Variants in ZNF469 observed in about 807,000 individuals in gnomAD.
ZNF469 encodes zinc finger protein 469.
ZNF469 carries 1 observed loss-of-function variant against 1.0 expected under a neutral mutation model. The observed-to-expected ratio is 1.00, with a 90% confidence interval of 0.35 to 4.73. The LOEUF (loss-of-function observed/expected upper bound fraction) is 4.73, where lower values mean the gene tolerates loss of function less well. ZNF469 is among the 30% of genes most tolerant of loss of function. The pLI is 0.16. For synonymous variants in ZNF469, 2,703 were observed against 2,363.4 expected (o/e 1.14, Z -4.17); for missense variants, 6,100 against 5,356.3 (o/e 1.14, Z -4.33).
chr16:88,138,111 A>C, the ZNF469 span, among the ~76,000 whole-genome samples: 4 of 152,298 alleles, frequency 2.6e-5, no homozygotes, highest in Admixed American at 2.6e-4. Context: ...CACACAAACT[A>C]TCAAGGTGTG....
the ZNF469 span, among the ~76,000 whole-genome samples, chr16:88,123,574 G>T: frequency 1.3e-5 from 2 of 152,180 alleles, no homozygotes; most frequent in Non-Finnish European, 2.9e-5. Flanking sequence ...TTGGGTGAGG[G>T]CCTAGGAGGA....
chr16:88,305,667 TACAC>T, the ZNF469 span, among the ~76,000 whole-genome samples: 10 of 151,154 alleles, frequency 6.6e-5, no homozygotes, highest in African/African-American at 1.2e-4. Flanking sequence ...CACCTTCACA[TACAC>T]ACACATGCTC....
At chr16:88,159,353 C>T in the ZNF469 span, among the ~76,000 whole-genome samples, 314 of 152,258 alleles carry the variant, frequency 2.1e-3, 2 homozygotes, top group African/African-American at 7.1e-3. Context: ...GTGTCCCGTG[C>T]AGTGTGCAGC....
chr16:88,144,796 C>A, the ZNF469 span, among the ~76,000 whole-genome samples: 1 of 152,154 alleles, frequency 6.6e-6, no homozygotes, highest in African/African-American at 2.4e-5. Flanking sequence ...TAGACGTGTC[C>A]ATATTCTAGA....
chr16:88,426,141 AGCCCCCGCCTCCACAGAGGCAGCAGG>A (rs1905689703), intron 2 of ZNF469, among the ~76,000 whole-genome samples: 1 of 152,236 alleles, frequency 6.6e-6, no homozygotes, highest in Non-Finnish European at 1.5e-5. Flanking sequence ...CTCAGGAGGC[AGCCCCCGCCTCCACAGAGGCAGCAGG>A]GTCTCTGAGA....
At chr16:88,299,971 G>A in the ZNF469 span, among the ~76,000 whole-genome samples, 17 of 152,300 alleles carry the variant, frequency 1.1e-4, no homozygotes, top group African/African-American at 4.1e-4. Context: ...CCTCTGCCAG[G>A]TCTCTCCCCG....
intron 1 of ZNF469, among the ~76,000 whole-genome samples, chr16:88,389,741 C>T (rs1240712505): frequency 6.6e-6 from 1 of 152,170 alleles, no homozygotes; most frequent in African/African-American, 2.4e-5. Context: ...TCAGGATTCC[C>T]TGAGTAGGGA....
At chr16:88,259,362 T>C in the ZNF469 span, among the ~76,000 whole-genome samples, 2 of 151,550 alleles carry the variant, frequency 1.3e-5, no homozygotes, top group South Asian at 2.1e-4. The surrounding 1 kb of genome is among the most constrained non-coding windows in gnomAD (Gnocchi z 4.1). Flanking sequence ...GCCCGCCAGA[T>C]TCTGCGGAGT....
chr16:88,101,689 G>C, the ZNF469 span, among the ~76,000 whole-genome samples: 2 of 152,128 alleles, frequency 1.3e-5, no homozygotes, highest in South Asian at 4.1e-4. Context: ...GTGCCTTTAC[G>C]ATATTTATAA....
chr16:88,363,520 G>A, the ZNF469 span, among the ~76,000 whole-genome samples: 68 of 152,324 alleles, frequency 4.5e-4, no homozygotes, highest in African/African-American at 1.6e-3. Flanking sequence ...TGGCTTGGGG[G>A]AGTCAGCCAG....
chr16:88,103,896 A>G, the ZNF469 span, among the ~76,000 whole-genome samples: 1 of 147,478 alleles, frequency 6.8e-6, no homozygotes, highest in Admixed American at 6.7e-5. Flanking sequence ...GCAGTGGAAT[A>G]ATCCTCCGTG....
the ZNF469 span, among the ~76,000 whole-genome samples, chr16:88,207,365 C>T: frequency 7.9e-4 from 9 of 11,372 alleles, 2 homozygotes; most frequent in African/African-American, 2.8e-3. Context: ...GAGGGGAGGC[C>T]GCGGGGACGG....
chr16:88,405,448 G>A (rs141322641), intron 1 of ZNF469, among the ~76,000 whole-genome samples: 152 of 152,308 alleles, frequency 1.0e-3, no homozygotes, highest in Non-Finnish European at 1.4e-3. Context: ...CCACCCCTTG[G>A]GATGGGCCAT....
chr16:88,433,352 G>A lies in ZNF469; in HGVS notation c.5882G>A (p.Gly1961Asp). The A allele has an allele frequency of 1.3e-6, 2 of 1,550,286 alleles. No individual in the cohort carries two copies. Among genetic ancestry groups the A allele is most frequent in the Non-Finnish European group, 1.7e-6 (2 of 1,146,926 alleles). The change falls in exon 3 of 3, where the codon GGT becomes GAT. Residue 1961 changes from glycine to aspartate, a missense_variant. Gly to Asp is a moderately conservative substitution (Grantham distance 94). Transcript: ENST00000565624. ...ACGPAQGSPG[G>D]VQVTTLPAVA... ...GGCCCCGCCCAGGGCTCCCCAGGGG[G>A]TGTGCAGGTGACAACTCTCCCTGCA...
the ZNF469 span, among the ~76,000 whole-genome samples, chr16:88,152,707 G>A: frequency 2.6e-5 from 4 of 152,110 alleles, no homozygotes; most frequent in South Asian, 4.1e-4. The surrounding 1 kb of genome is among the most constrained non-coding windows in gnomAD (Gnocchi z 4.2). Context: ...CTTAGCAGTT[G>A]GTAAATCACT....
the ZNF469 span, among the ~76,000 whole-genome samples, chr16:88,256,261 C>G: frequency 6.6e-6 from 1 of 152,236 alleles, no homozygotes; most frequent in Admixed American, 6.5e-5. Flanking sequence ...ATGGCTCTCA[C>G]AGTTTTGCCT....
the ZNF469 span, among the ~76,000 whole-genome samples, chr16:88,117,802 C>G: frequency 6.6e-6 from 1 of 152,150 alleles, no homozygotes; most frequent in African/African-American, 2.4e-5. Flanking sequence ...GTGGACCTGT[C>G]GGAGTGACTG....
At chr16:88,302,201 G>A in the ZNF469 span, among the ~76,000 whole-genome samples, 1 of 152,222 alleles carries the variant, frequency 6.6e-6, no homozygotes, top group African/African-American at 2.4e-5. Context: ...TGCAGGGGCG[G>A]TGGTTACCTG....
chr16:88,129,916 G>T, the ZNF469 span, among the ~76,000 whole-genome samples: 1 of 152,352 alleles, frequency 6.6e-6, no homozygotes, highest in South Asian at 2.1e-4. Flanking sequence ...AAGCCCCTCC[G>T]AGGGAATCCT....
Sources: allele counts gnomAD v4.1 joint callset (sites outside exome capture counted in the v4.1 genomes callset), GRCh38; gene constraint gnomAD v4.1.1; non-coding constraint Gnocchi (gnomAD v3.1); transcripts MANE v1.5; gene names NCBI Gene and HGNC (gene_info 2026-07-23, HGNC 2026-07-21).